SLC38A1: variants seen among roughly 807,000 people sequenced by gnomAD.
The protein encoded by SLC38A1 is sodium-coupled neutral amino acid symporter 1.
Under a neutral mutation model 60.3 loss-of-function variants are expected in SLC38A1, and 18 were observed. The observed-to-expected ratio is 0.30, with a 90% CI of 0.21 to 0.44. The LOEUF is 0.44. SLC38A1 is among the 20% of genes least tolerant of loss of function. SLC38A1 has a pLI of 1.00. For missense variants in SLC38A1, 448 were observed against 587.2 expected (o/e 0.76, Z 2.45); for synonymous variants, 196 against 212.1 (o/e 0.92, Z 0.66).
rs369109341 is a variant in SLC38A1, at chr12:46,252,382, A to G, written c.-208-9068T>C. Among the ~76,000 whole-genome samples the G allele has an allele frequency of 3.3e-4, 50 of 152,254 alleles. No individual in the cohort carries two copies. The South Asian group carries it at 9.1e-3, about 28-fold the overall frequency. On this transcript the variant is annotated intron_variant, in intron 1 of 16. Transcript: ENST00000398637. ...GGGATAGCATTACGAGAAATACCCA[A>G]TGTAAATGACGAATTAATGGGTGCA...
At chr12:46,207,646 C>T in intron 6 of SLC38A1, 25 bp from the exon 7 acceptor site, 2 of 1,597,484 alleles carry the variant, frequency 1.3e-6, no homozygotes, top group Non-Finnish European at 1.7e-6. Context: ...AATTTGAGAA[C>T]ACAAGAAATG....
intron 16 of SLC38A1, chr12:46,196,079 T>C (rs1939362586): frequency 1.4e-6 from 2 of 1,472,652 alleles, no homozygotes; most frequent in African/African-American, 1.4e-5. Context: ...TATTTGGCTA[T>C]CTTGGAAGCA....
At chr12:46,218,907 C>G (rs1486480082) in intron 5 of SLC38A1, among the ~76,000 whole-genome samples, 1 of 152,012 alleles carries the variant, frequency 6.6e-6, no homozygotes, top group African/African-American at 2.4e-5. Flanking sequence ...GGCGAGATTA[C>G]CAGTCTGGGT....
At chr12:46,267,314 G>A (rs745804648) in intron 1 of SLC38A1, 1 of 152,218 alleles carries the variant, frequency 6.6e-6, no homozygotes, top group East Asian at 1.9e-4. Context: ...GCGGCAGTTA[G>A]GTTTCTAACA....
At chr12:46,230,734 T>C (rs979467341) in intron 3 of SLC38A1, among the ~76,000 whole-genome samples, 2 of 152,330 alleles carry the variant, frequency 1.3e-5, no homozygotes, top group East Asian at 1.9e-4. Context: ...CAAAACTTTA[T>C]AGCCTAAATT....
intron 2 of SLC38A1, among the ~76,000 whole-genome samples, chr12:46,241,964 G>C (rs1941462936): frequency 6.6e-6 from 1 of 152,146 alleles, no homozygotes; most frequent in Non-Finnish European, 1.5e-5. Flanking sequence ...ATTTTCTGCG[G>C]TAAGAAAGGA....
chr12:46,234,863 A>G (rs1402147518), intron 3 of SLC38A1, among the ~76,000 whole-genome samples: 1 of 152,228 alleles, frequency 6.6e-6, no homozygotes, highest in African/African-American at 2.4e-5. Flanking sequence ...GTTAAAAAAC[A>G]CGACCTCTGG....
chr12:46,238,397 T>C (rs906433963), intron 3 of SLC38A1, among the ~76,000 whole-genome samples: 3 of 152,224 alleles, frequency 2.0e-5, no homozygotes, highest in African/African-American at 7.2e-5. Flanking sequence ...TATGCTGGGC[T>C]TTTAATCACA....
In SLC38A1 at chr12:46,234,766, G is replaced by A. The variant is rs182801930; in HGVS notation, c.122+4913C>T. 1.2e-3 allele frequency among the ~76,000 whole-genome samples: 188 copies of A among 152,154 alleles called. 2 individuals carry two copies. Among genetic ancestry groups the A allele is most frequent in the African/African-American group, 4.0e-3 (166 of 41,510 alleles). Reference sequence around the variant, plus strand: ...AATACATAAAACTAACTAACTTTTTGTAATGGAAAATTCCATTCAAAATAA... The same window carrying A: ...AATACATAAAACTAACTAACTTTTTATAATGGAAAATTCCATTCAAAATAA... On this transcript the variant is annotated intron_variant, in intron 3 of 16. Coordinates refer to ENST00000398637, the MANE Select transcript of SLC38A1 (RefSeq NM_030674.4).
intron 5 of SLC38A1, among the ~76,000 whole-genome samples, chr12:46,211,154 G>C (rs980225923): frequency 2.6e-5 from 4 of 152,178 alleles, no homozygotes; most frequent in African/African-American, 9.7e-5. Context: ...GGGACACAAT[G>C]CTAAGTAGCC....
At chr12:46,239,420 G>C (rs1021141284) in intron 3 of SLC38A1, 9 of 265,516 alleles carry the variant, frequency 3.4e-5, no homozygotes, top group Admixed American at 3.3e-4. Flanking sequence ...CGCCTCTCAG[G>C]TTCAAGCGAT....
At chr12:46,189,768 C>T (rs1403263129) in intron 16 of SLC38A1, among the ~76,000 whole-genome samples, 1 of 152,064 alleles carries the variant, frequency 6.6e-6, no homozygotes, top group Non-Finnish European at 1.5e-5. Context: ...CTCATGAGAT[C>T]TGGTGGTTTT....
chr12:46,202,160 A>G (rs568995359), intron 12 of SLC38A1, among the ~76,000 whole-genome samples: 1 of 150,788 alleles, frequency 6.6e-6, no homozygotes, highest in East Asian at 1.9e-4. Flanking sequence ...CCATAGCACT[A>G]CAGCCTGGGT....
At chr12:46,207,812 T>A (rs75575869) in intron 6 of SLC38A1, among the ~76,000 whole-genome samples, 191 bp from the exon 7 acceptor site, 6 of 152,208 alleles carry the variant, frequency 3.9e-5, no homozygotes, top group African/African-American at 1.4e-4. Flanking sequence ...CATTTTAAAA[T>A]GTGAGATGCA....
chr12:46,208,355 G>C lies in SLC38A1; in HGVS notation c.388+699C>G, dbSNP rs112414915. ...AGTTCATGTTTTCAAAAGGTTCACG[G>C]AGAGCAATATGGGACAGGCTATAAT... On this transcript the variant is annotated intron_variant, in intron 6 of 16. Coordinates refer to ENST00000398637, the MANE Select transcript of SLC38A1 (RefSeq NM_030674.4). 5.7e-4 allele frequency among the ~76,000 whole-genome samples: 87 copies of C among 152,230 alleles called. 1 individual carries two copies. Among genetic ancestry groups the C allele is most frequent in the African/African-American group, 1.3e-3 (53 of 41,546 alleles).
At chr12:46,225,458 G>A (rs1451251503) in intron 5 of SLC38A1, among the ~76,000 whole-genome samples, 1 of 152,144 alleles carries the variant, frequency 6.6e-6, no homozygotes, top group African/African-American at 2.4e-5. Flanking sequence ...TGAAAATTGG[G>A]AACTGAGTGA....
At chr12:46,257,011 T>G (rs1230023817) in intron 1 of SLC38A1, among the ~76,000 whole-genome samples, 1 of 152,106 alleles carries the variant, frequency 6.6e-6, no homozygotes, top group Admixed American at 6.5e-5. Context: ...GCATTGCCTG[T>G]GGCAGGGTGG....
intron 8 of SLC38A1, among the ~76,000 whole-genome samples, 165 bp from the exon 9 acceptor site, chr12:46,206,327 C>T (rs189850320): frequency 2.0e-5 from 3 of 151,786 alleles, no homozygotes; most frequent in African/African-American, 7.3e-5. Context: ...TTTAACCCAG[C>T]CCCTACTTAT....
At chr12:46,206,031 G>T in intron 9 of SLC38A1, 49 bp downstream of exon 9, 1 of 1,121,912 alleles carries the variant, frequency 8.9e-7, no homozygotes, top group Non-Finnish European at 1.3e-6. Flanking sequence ...TTCAGTTTCT[G>T]ATTCACTTGG....
Sources: gnomAD v4.1 joint callset for allele counts (sites outside exome capture counted in the v4.1 genomes callset) on GRCh38, gnomAD v4.1.1 for gene constraint, MANE v1.5 for transcripts, NCBI Gene and HGNC (gene_info 2026-07-23, HGNC 2026-07-21) for gene names.